The following GSE1 variants were observed in gnomAD, a reference collection of about 807,000 sequenced individuals.
The protein encoded by GSE1 is Gse1 coiled-coil protein, also known as genetic suppressor element 1.
A neutral mutation model predicts 112.6 loss-of-function variants in GSE1; 32 were observed. The observed-to-expected ratio is 0.28, with a 90% confidence interval of 0.21 to 0.38. The LOEUF (loss-of-function observed/expected upper bound fraction) is 0.38. Ranked by LOEUF, GSE1 falls within the 10% of genes least tolerant of loss-of-function variation. The probability of loss-of-function intolerance (pLI) is 1.00; values close to 1 mark genes in which losing one functional copy is unlikely to be tolerated. For synonymous variants in GSE1, 1,115 were observed against 735.6 expected (o/e 1.52, Z -8.35); for missense variants, 2,348 against 1,699.2 (o/e 1.38, Z -6.71).
chr16:85,617,077 G>A (rs550778701), intron 1 of GSE1, among the ~76,000 whole-genome samples: 16 of 152,256 alleles, frequency 1.1e-4, no homozygotes, highest in African/African-American at 3.8e-4. Flanking sequence ...GTTTGGCCAC[G>A]TCCCTGTCCT....
At chr16:85,625,843 T>A (rs1019225102) in intron 1 of GSE1, among the ~76,000 whole-genome samples, 1 of 152,036 alleles carries the variant, frequency 6.6e-6, no homozygotes, top group East Asian at 1.9e-4. Flanking sequence ...GAGGGCAGCG[T>A]CTGGGGGCTC....
intron 1 of GSE1, among the ~76,000 whole-genome samples, chr16:85,176,764 T>C (rs1423147848): frequency 1.3e-5 from 2 of 152,222 alleles, no homozygotes; most frequent in Non-Finnish European, 2.9e-5. Context: ...CGCAACCACC[T>C]TTCTTCTCTG....
At chr16:85,335,647 T>A (rs1471864671) in intron 1 of GSE1, among the ~76,000 whole-genome samples, 2 of 151,848 alleles carry the variant, frequency 1.3e-5, no homozygotes, top group Non-Finnish European at 2.9e-5. Context: ...TGCTGCAGGG[T>A]GGCAGTCTCA....
At chr16:85,664,973 TGATGCAACTGGCTC>T in intron 11 of GSE1, 28 bp from the exon 12 acceptor site, 1 of 1,274,182 alleles carries the variant, frequency 7.8e-7, no homozygotes, top group Non-Finnish European at 1.1e-6. Flanking sequence ...CTCCAAAAAA[TGATGCAACTGGCTC>T]GTTAATCTCA....
chr16:85,340,550 A>T (rs2151538562), intron 1 of GSE1, among the ~76,000 whole-genome samples: 1 of 152,308 alleles, frequency 6.6e-6, no homozygotes, highest in Non-Finnish European at 1.5e-5. Context: ...CTGAGGCAGG[A>T]GAATCGCTTG....
At chr16:85,266,697 G>A (rs145130673) in intron 1 of GSE1, among the ~76,000 whole-genome samples, 2 of 151,788 alleles carry the variant, frequency 1.3e-5, no homozygotes, top group East Asian at 3.9e-4. Flanking sequence ...GCCAGAAAAG[G>A]TGAGGGCAGC....
At chr16:85,174,176 G>A (rs562116465) in intron 1 of GSE1, among the ~76,000 whole-genome samples, 1 of 152,324 alleles carries the variant, frequency 6.6e-6, no homozygotes, top group African/African-American at 2.4e-5. Context: ...CTCCGTGGGC[G>A]GGAGGTGCCT....
In GSE1 at chr16:85,218,578, T is replaced by C. The variant is rs113294653; in HGVS notation, c.2283+46771T>C. ...GAGCTCAACTCTGCCACTTGCTACC[T>C]GTGTGACCTCCCAAACTGCTTTCTG... On this transcript the variant is annotated intron_variant, in intron 1 of 2. Transcript: ENST00000637419. 4.0e-3 allele frequency among the ~76,000 whole-genome samples: 616 copies of C among 152,354 alleles called. 3 individuals carry two copies. The highest frequency in any genetic ancestry group is 0.014 in the African/African-American group (590 of 41,588).
At chr16:85,476,415 G>A (rs1056619786) in intron 2 of GSE1, among the ~76,000 whole-genome samples, 9 of 152,202 alleles carry the variant, frequency 5.9e-5, no homozygotes. Flanking sequence ...GCATATGACA[G>A]TCCCAGATAA....
At chr16:85,485,279 G>C (rs1333590070) in intron 2 of GSE1, among the ~76,000 whole-genome samples, 3 of 152,224 alleles carry the variant, frequency 2.0e-5, no homozygotes, top group Non-Finnish European at 2.9e-5. Flanking sequence ...CATTTTCCCA[G>C]AGAATGGCGT....
At chr16:85,546,499 T>C (rs1354382315) in intron 2 of GSE1, among the ~76,000 whole-genome samples, 2 of 152,270 alleles carry the variant, frequency 1.3e-5, no homozygotes, top group African/African-American at 4.8e-5. Flanking sequence ...CACACCCATA[T>C]AATGTAGGAT....
chr16:85,617,345 A>G (rs1040947280), intron 1 of GSE1, among the ~76,000 whole-genome samples: 1 of 152,020 alleles, frequency 6.6e-6, no homozygotes, highest in African/African-American at 2.4e-5. Context: ...GTTTACCTTC[A>G]CCTGCACCTA....
chr16:85,196,985 G>A (rs1018238758), intron 1 of GSE1, among the ~76,000 whole-genome samples: 4 of 152,154 alleles, frequency 2.6e-5, no homozygotes, highest in African/African-American at 7.2e-5. Context: ...TGGAGACCCC[G>A]GTATGGGACC....
At chr16:85,514,516 G>A (rs1286916587) in intron 2 of GSE1, among the ~76,000 whole-genome samples, 1 of 151,730 alleles carries the variant, frequency 6.6e-6, no homozygotes, top group African/African-American at 2.4e-5. Context: ...GGGCTTGGCT[G>A]TGTAGCCCCC....
At chr16:85,296,210 C>T (rs539470133) in intron 1 of GSE1, among the ~76,000 whole-genome samples, 19 of 152,262 alleles carry the variant, frequency 1.2e-4, no homozygotes, top group South Asian at 4.1e-4. Flanking sequence ...GAACACTGCC[C>T]GTCCCTCCCC....
chr16:85,601,731 G>T (rs1279756394), intron 1 of GSE1, among the ~76,000 whole-genome samples: 1 of 152,182 alleles, frequency 6.6e-6, no homozygotes, highest in Non-Finnish European at 1.5e-5. Flanking sequence ...AACAAGAGCC[G>T]CAGCAGAGGG....
intron 6 of GSE1, 63 bp from the exon 7 acceptor site, chr16:85,656,280 T>C: frequency 6.3e-7 from 1 of 1,582,370 alleles, no homozygotes; most frequent in Non-Finnish European, 8.6e-7. Context: ...TTTAAGGGCC[T>C]GCCCCAGGTC....
intron 1 of GSE1, among the ~76,000 whole-genome samples, chr16:85,277,841 C>T (rs887316612): frequency 3.3e-5 from 5 of 152,240 alleles, no homozygotes; most frequent in East Asian, 1.9e-4. Context: ...GACCCCAGGC[C>T]GGCCCCAGGA....
chr16:85,262,598 G>A (rs8052410), intron 1 of GSE1, among the ~76,000 whole-genome samples: 64,467 of 152,134 alleles, frequency 0.42, 14,376 homozygotes, highest in African/African-American at 0.57. Context: ...AGCAGGAGAA[G>A]GACGCAAGGC....
Sources: gnomAD v4.1 joint callset for allele counts (sites outside exome capture counted in the v4.1 genomes callset) on GRCh38, gnomAD v4.1.1 for gene constraint, MANE v1.5 for transcripts, NCBI Gene and HGNC (gene_info 2026-07-23, HGNC 2026-07-21) for gene names.